Variants in NKAIN2 observed in about 807,000 individuals in gnomAD.
NKAIN2 encodes the protein sodium/potassium transporting ATPase interacting 2.
NKAIN2 carries 14 observed loss-of-function variants against 32.6 expected under a neutral mutation model. The ratio of observed to expected loss-of-function variants is 0.43; its 90% CI spans 0.28 to 0.67. The LOEUF (loss-of-function observed/expected upper bound fraction) is 0.67, where lower values mean the gene tolerates loss of function less well. NKAIN2 is among the 30% of genes least tolerant of loss of function. The pLI is 0.17. For missense variants in NKAIN2, 198 were observed against 258.3 expected (o/e 0.77, Z 1.60); for synonymous variants, 80 against 87.2 (o/e 0.92, Z 0.46).
At chr6:124,419,914 ACTGT>A (rs1774670849) in intron 3 of NKAIN2, among the ~76,000 whole-genome samples, 2 of 152,192 alleles carry the variant, frequency 1.3e-5, no homozygotes, top group Non-Finnish European at 2.9e-5. Flanking sequence ...AATTTTGCAC[ACTGT>A]CTGTCTTGTC....
intron 1 of NKAIN2, among the ~76,000 whole-genome samples, chr6:124,255,344 C>T (rs779116287): frequency 1.3e-5 from 2 of 152,132 alleles, no homozygotes; most frequent in African/African-American, 4.8e-5. Context: ...GTGAATCTTT[C>T]ATATTCTGCT....
chr6:124,219,089 A>G (rs1487556274), intron 1 of NKAIN2, among the ~76,000 whole-genome samples: 1 of 152,094 alleles, frequency 6.6e-6, no homozygotes, highest in Non-Finnish European at 1.5e-5. Context: ...TGGGAATAAC[A>G]GGTTGCTCCC....
intron 2 of NKAIN2, among the ~76,000 whole-genome samples, chr6:124,333,058 A>C (rs561782147): frequency 6.6e-6 from 1 of 152,298 alleles, no homozygotes; most frequent in African/African-American, 2.4e-5. Flanking sequence ...ATCTGCCTAG[A>C]AAAATTAATA....
At chr6:124,160,725 G>A (rs113796492) in intron 1 of NKAIN2, among the ~76,000 whole-genome samples, 10 of 152,022 alleles carry the variant, frequency 6.6e-5, no homozygotes, top group African/African-American at 2.2e-4. Flanking sequence ...ATTCAAGAGA[G>A]GGGTGATTTA....
At chr6:124,083,128 A>G (rs1283138690) in intron 1 of NKAIN2, among the ~76,000 whole-genome samples, 1 of 151,958 alleles carries the variant, frequency 6.6e-6, no homozygotes, top group Non-Finnish European at 1.5e-5. Context: ...ATGTTTGTAT[A>G]CAAAATATTT....
At chr6:124,779,243 AAGAAAGAGAG>A (rs1779130477) in intron 4 of NKAIN2, among the ~76,000 whole-genome samples, 2 of 45,886 alleles carry the variant, frequency 4.4e-5, no homozygotes, top group Middle Eastern at 9.6e-3. Flanking sequence ...GACTCCAACA[AAGAAAGAGAG>A]AGAGAGAGAG....
At chr6:124,105,590 T>G (rs186098035) in intron 1 of NKAIN2, among the ~76,000 whole-genome samples, 97 of 152,308 alleles carry the variant, frequency 6.4e-4, no homozygotes, top group Admixed American at 2.7e-3. Flanking sequence ...ACAGAGACTT[T>G]TGTATTCCAA....
At chr6:124,271,173 C>T (rs1794748027) in intron 1 of NKAIN2, among the ~76,000 whole-genome samples, 1 of 152,164 alleles carries the variant, frequency 6.6e-6, no homozygotes, top group African/African-American at 2.4e-5. Flanking sequence ...TTGTAAGTTT[C>T]CTGGGGCCTC....
intron 1 of NKAIN2, among the ~76,000 whole-genome samples, chr6:124,242,503 A>C (rs1793158680): frequency 6.6e-6 from 1 of 152,202 alleles, no homozygotes; most frequent in Non-Finnish European, 1.5e-5. Flanking sequence ...TCAAGGATCC[A>C]GAACCAGAAA....
chr6:124,651,713 G>C (rs2114399277), intron 3 of NKAIN2, among the ~76,000 whole-genome samples: 1 of 152,290 alleles, frequency 6.6e-6, no homozygotes, highest in African/African-American at 2.4e-5. Context: ...TAGTCAAGGA[G>C]CTTGTGGAGG....
At chr6:124,616,891 A>G (rs1454453328) in intron 3 of NKAIN2, among the ~76,000 whole-genome samples, 1 of 151,830 alleles carries the variant, frequency 6.6e-6, no homozygotes, top group African/African-American at 2.4e-5. Flanking sequence ...TGGTTATCCT[A>G]TTTCCTAAAG....
chr6:124,767,041 T>G (rs967870687), intron 4 of NKAIN2, among the ~76,000 whole-genome samples: 4 of 152,052 alleles, frequency 2.6e-5, no homozygotes, highest in African/African-American at 9.7e-5. Flanking sequence ...ATTATAGGCA[T>G]CCGCCATCAC....
intron 1 of NKAIN2, among the ~76,000 whole-genome samples, chr6:123,839,462 T>C (rs1461708271): frequency 6.6e-6 from 1 of 152,186 alleles, no homozygotes; most frequent in Non-Finnish European, 1.5e-5. Context: ...TCCAATCCTA[T>C]TCTTTCTGTT....
At chr6:124,252,010 A>G (rs1793709525) in intron 1 of NKAIN2, among the ~76,000 whole-genome samples, 1 of 152,066 alleles carries the variant, frequency 6.6e-6, no homozygotes, top group South Asian at 2.1e-4. Context: ...GTATTGAAAC[A>G]TCACTATGTA....
intron 1 of NKAIN2, among the ~76,000 whole-genome samples, chr6:123,898,729 T>G (rs1562246237): frequency 6.6e-6 from 1 of 152,194 alleles, no homozygotes; most frequent in Non-Finnish European, 1.5e-5. Flanking sequence ...ATCATTCATC[T>G]GTTGAAATCA....
At chr6:124,349,318 C>T (rs1039629710) in intron 2 of NKAIN2, among the ~76,000 whole-genome samples, 7 of 152,018 alleles carry the variant, frequency 4.6e-5, no homozygotes, top group East Asian at 1.9e-4. Context: ...GGGAACTTCC[C>T]GAGGCTCCAC....
intron 1 of NKAIN2, among the ~76,000 whole-genome samples, chr6:124,004,727 G>A (rs889354993): frequency 1.3e-5 from 2 of 151,866 alleles, no homozygotes; most frequent in Non-Finnish European, 2.9e-5. Flanking sequence ...GGGGGGATGG[G>A]GGAGGTATAG....
chr6:124,348,364 C>T (rs1335173643), intron 2 of NKAIN2, among the ~76,000 whole-genome samples: 3 of 152,218 alleles, frequency 2.0e-5, no homozygotes, highest in Non-Finnish European at 4.4e-5. Flanking sequence ...CTCCTCAAAG[C>T]TGTCAGACAG....
At chr6:123,871,658 A>ATTAG (rs1212894378) in intron 1 of NKAIN2, among the ~76,000 whole-genome samples, 2 of 152,160 alleles carry the variant, frequency 1.3e-5, no homozygotes, top group Non-Finnish European at 2.9e-5. Flanking sequence ...TCCACTTACA[A>ATTAG]TTAGTTGCCT....
Sources: allele counts gnomAD v4.1 joint callset (sites outside exome capture counted in the v4.1 genomes callset), GRCh38; gene constraint gnomAD v4.1.1; transcripts MANE v1.5; gene names NCBI Gene and HGNC (gene_info 2026-07-23, HGNC 2026-07-21).